Variants in CNBD1 observed in about 807,000 individuals in gnomAD.
CNBD1 encodes cyclic nucleotide binding domain containing 1, also known as cyclic nucleotide-binding domain-containing protein 1.
In CNBD1, 71 loss-of-function variants were observed where a neutral mutation model predicts 54.4. That is an observed-to-expected ratio of 1.30 (90% confidence interval 1.08 to 1.59). CNBD1 has a LOEUF of 1.59. Ranked by LOEUF, CNBD1 falls within the 40% of genes most tolerant of loss-of-function variation. CNBD1 has a pLI of 0.00. For synonymous variants in CNBD1, 182 were observed against 170.7 expected (o/e 1.07, Z -0.51); for missense variants, 659 against 518.0 (o/e 1.27, Z -2.64).
chr8:86,973,021 T>G (rs1450665341), intron 4 of CNBD1, among the ~76,000 whole-genome samples: 1 of 152,232 alleles, frequency 6.6e-6, no homozygotes, highest in East Asian at 1.9e-4. Flanking sequence ...AAAAATCCAC[T>G]TAAGTGTCCC....
chr8:87,334,785 G>A (rs1032572252), intron 8 of CNBD1, among the ~76,000 whole-genome samples: 19 of 149,042 alleles, frequency 1.3e-4, no homozygotes, highest in Non-Finnish European at 2.4e-4. Context: ...GTGCAGTGGC[G>A]CAATCTCAGC....
At chr8:87,185,735 G>A (rs778184601) in intron 4 of CNBD1, among the ~76,000 whole-genome samples, 1 of 150,270 alleles carries the variant, frequency 6.7e-6, no homozygotes, top group African/African-American at 2.4e-5. Flanking sequence ...TCACATGTGA[G>A]CAATGATAAA....
At chr8:87,316,158 A>G (rs1300772788) in intron 8 of CNBD1, among the ~76,000 whole-genome samples, 4 of 152,074 alleles carry the variant, frequency 2.6e-5, no homozygotes, top group African/African-American at 2.4e-5. Flanking sequence ...ATAAAGCATA[A>G]CATACAAACA....
intron 4 of CNBD1, among the ~76,000 whole-genome samples, chr8:87,098,010 GA>G (rs977158362): frequency 1.3e-5 from 2 of 151,982 alleles, no homozygotes; most frequent in African/African-American, 2.4e-5. Flanking sequence ...TTTGCTATAG[GA>G]AAAAAACACT....
At chr8:87,036,366 G>A (rs901657405) in intron 4 of CNBD1, among the ~76,000 whole-genome samples, 9 of 152,054 alleles carry the variant, frequency 5.9e-5, no homozygotes, top group South Asian at 2.1e-4. Context: ...AGGCCGAGGC[G>A]GGCGGATCAC....
At chr8:87,225,064 G>T (rs1814447833) in intron 5 of CNBD1, among the ~76,000 whole-genome samples, 1 of 151,394 alleles carries the variant, frequency 6.6e-6, no homozygotes, top group African/African-American at 2.4e-5. Flanking sequence ...TGGTGTATAG[G>T]AATGCTTGTG....
chr8:86,882,065 C>T (rs1218489851), intron 1 of CNBD1, among the ~76,000 whole-genome samples: 2 of 152,014 alleles, frequency 1.3e-5, no homozygotes, highest in African/African-American at 4.8e-5. Flanking sequence ...TGTAAAACTC[C>T]AAACTATAAA....
intron 4 of CNBD1, among the ~76,000 whole-genome samples, chr8:87,080,751 A>G (rs1028128335): frequency 2.0e-5 from 3 of 152,132 alleles, no homozygotes; most frequent in East Asian, 1.9e-4. Context: ...ATATTGGACT[A>G]TATACTTCTC....
chr8:87,040,625 G>C (rs889500752), intron 4 of CNBD1, among the ~76,000 whole-genome samples: 1 of 151,148 alleles, frequency 6.6e-6, no homozygotes, highest in Non-Finnish European at 1.5e-5. Flanking sequence ...GGGGTTTCAT[G>C]GTGTTAGCCA....
intron 4 of CNBD1, among the ~76,000 whole-genome samples, chr8:87,131,828 A>G (rs553431385): frequency 1.3e-5 from 2 of 152,020 alleles, no homozygotes; most frequent in African/African-American, 2.4e-5. Flanking sequence ...TATTTTCTCT[A>G]TAAGACCTGA....
intron 4 of CNBD1, among the ~76,000 whole-genome samples, chr8:87,051,111 C>CT (rs1810302087): frequency 6.6e-6 from 1 of 152,152 alleles, no homozygotes; most frequent in South Asian, 2.1e-4. Flanking sequence ...AGGAGTGAGA[C>CT]TTTCAGGCAT....
At chr8:87,028,304 C>T (rs1809700804) in intron 4 of CNBD1, among the ~76,000 whole-genome samples, 1 of 152,140 alleles carries the variant, frequency 6.6e-6, no homozygotes, top group Admixed American at 6.6e-5. Flanking sequence ...TGCAATGGGG[C>T]CGGAGAGAGA....
chr8:87,218,449 G>A (rs561356597), intron 5 of CNBD1, among the ~76,000 whole-genome samples: 3 of 151,962 alleles, frequency 2.0e-5, no homozygotes, highest in South Asian at 2.1e-4. Context: ...CACATATCAC[G>A]GTGCCATTCT....
intron 4 of CNBD1, among the ~76,000 whole-genome samples, chr8:87,011,027 A>G (rs1809209424): frequency 6.6e-6 from 1 of 152,146 alleles, no homozygotes; most frequent in African/African-American, 2.4e-5. Context: ...CTTTTCTGGC[A>G]GAGAGAATGG....
intron 8 of CNBD1, 22 bp from the exon 9 acceptor site, chr8:87,351,663 G>T: frequency 1.4e-6 from 2 of 1,463,610 alleles, no homozygotes; most frequent in East Asian, 2.7e-5. Context: ...TGTGTGAAAT[G>T]AACTATCTCT....
intron 4 of CNBD1, among the ~76,000 whole-genome samples, chr8:87,083,585 C>CTTTT (rs752855766): frequency 1.0e-4 from 12 of 117,152 alleles, no homozygotes; most frequent in East Asian, 2.4e-4. Flanking sequence ...CAATGTATTT[C>CTTTT]TTTTTTTTTT....
chr8:87,291,833 T>A (rs1243943909), intron 8 of CNBD1, among the ~76,000 whole-genome samples: 4 of 152,152 alleles, frequency 2.6e-5, no homozygotes, highest in Non-Finnish European at 5.9e-5. Flanking sequence ...ATTAATAGCT[T>A]AAGGGTCAAT....
intron 8 of CNBD1, among the ~76,000 whole-genome samples, chr8:87,300,759 C>G (rs1808971911): frequency 6.6e-6 from 1 of 151,910 alleles, no homozygotes; most frequent in African/African-American, 2.4e-5. Flanking sequence ...GTGAAGGCCT[C>G]TTATTTTAGT....
intron 4 of CNBD1, among the ~76,000 whole-genome samples, chr8:87,124,821 GA>G (rs1182692723): frequency 6.6e-6 from 1 of 151,668 alleles, no homozygotes; most frequent in East Asian, 1.9e-4. Context: ...GCAAGAGAAA[GA>G]AATACAAGCA....
Sources: gnomAD v4.1 joint callset for allele counts (sites outside exome capture counted in the v4.1 genomes callset) on GRCh38, gnomAD v4.1.1 for gene constraint, MANE v1.5 for transcripts, NCBI Gene and HGNC (gene_info 2026-07-23, HGNC 2026-07-21) for gene names.